CEP152: variants seen among roughly 807,000 people sequenced by gnomAD.
CEP152 encodes centrosomal protein of 152 kDa.
Under a neutral mutation model 188.9 loss-of-function variants are expected in CEP152, and 132 were observed. That is an observed-to-expected ratio of 0.70 (90% CI 0.61 to 0.81). CEP152 has a LOEUF of 0.81. CEP152 is among the 30% of genes least tolerant of loss of function. The probability of loss-of-function intolerance (pLI) is 0.00; values close to 1 mark genes in which losing one functional copy is unlikely to be tolerated. For synonymous variants in CEP152, 649 were observed against 666.6 expected, an observed-to-expected ratio of 0.97 and a Z score of 0.41; for missense variants, 1,914 against 1,969.8, an observed-to-expected ratio of 0.97 and a Z score of 0.54.
chr15:48,764,633 T>C (rs1894922621), intron 17 of CEP152, among the ~76,000 whole-genome samples: 1 of 152,224 alleles, frequency 6.6e-6, no homozygotes, highest in Non-Finnish European at 1.5e-5. Flanking sequence ...CACTGATTAC[T>C]ACCCAACCTG....
chr15:48,793,287 T>C lies in CEP152; in HGVS notation c.832+34A>G, dbSNP rs183368473. The C allele has an allele frequency of 5.1e-4, 826 of 1,611,640 alleles. 4 individuals are homozygous for C. In the African/African-American group the frequency reaches 0.01, roughly 20 times the overall value. On this transcript the variant is annotated intron_variant, in intron 7 of 26. Coordinates refer to ENST00000380950, the MANE Select transcript of CEP152 (RefSeq NM_001194998.2). ...ATTGGAAACAAGATATCTAACTCAGTGTACCTCATAAATGACAGCATCCAG... is the reference window on the plus strand; with the variant it reads ...ATTGGAAACAAGATATCTAACTCAGCGTACCTCATAAATGACAGCATCCAG...
In CEP152 at chr15:48,809,779, T is replaced by G. The variant is rs539081785; in HGVS notation, c.-8+1182A>C. ...ATACATTGTAGTTTTATTACTATTA[T>G]GACATTATTACTGATGAATAGGAGT... On this transcript the variant is annotated intron_variant, in intron 1 of 26. Transcript: ENST00000380950. 2.0e-5 allele frequency among the ~76,000 whole-genome samples: 3 copies of G among 152,366 alleles called. No homozygotes were observed. In the East Asian group the frequency reaches 5.8e-4, roughly 29 times the overall value.
chr15:48,760,333 A>T, intron 18 of CEP152, 67 bp from the exon 19 acceptor site: 1 of 1,570,100 alleles, frequency 6.4e-7, no homozygotes. Context: ...CCATTTTTAA[A>T]CAGCAATTAT....
intron 18 of CEP152, among the ~76,000 whole-genome samples, chr15:48,760,515 A>G (rs956881539): frequency 1.3e-5 from 2 of 152,166 alleles, no homozygotes; most frequent in East Asian, 1.9e-4. Flanking sequence ...GACCAGTACT[A>G]TCTTAGAAAG....
intron 2 of CEP152, among the ~76,000 whole-genome samples, chr15:48,732,722 A>C (rs1409668353): frequency 6.6e-6 from 1 of 152,148 alleles, no homozygotes; most frequent in Non-Finnish European, 1.5e-5. Flanking sequence ...GGTTAAAAAA[A>C]AAGTCATGCT....
chr15:48,796,124 C>T lies in CEP152; in HGVS notation c.577G>A (p.Val193Met). The T allele has an allele frequency of 1.9e-6, 3 of 1,613,826 alleles. No homozygotes were observed. Among genetic ancestry groups the T allele is most frequent in the Non-Finnish European group, 2.5e-6 (3 of 1,179,806 alleles). The change falls in exon 6 of 27, where the codon GTG becomes ATG. Residue 193 changes from valine (V) to methionine (M), a missense_variant. Transcript: ENST00000380950. Reference sequence around the variant, plus strand: ...GAAGACTGATAAGGTTTATATGTCACTTTATTATACGGTTCCAAACCTTGA... The same window carrying T: ...GAAGACTGATAAGGTTTATATGTCATTTTATTATACGGTTCCAAACCTTGA... ...SCQGLEPYNKVTYKPYQSSAQ... is the reference protein window; with the variant it reads ...SCQGLEPYNKMTYKPYQSSAQ...
chr15:48,787,163 GTTTTT>G lies in CEP152; in HGVS notation c.1173+1633_1173+1637del, dbSNP rs747436177. Among the ~76,000 whole-genome samples, 227 of 101,522 alleles carry G rather than the reference GTTTTT, an allele frequency of 2.2e-3. 4 individuals carry two copies. The highest frequency in any genetic ancestry group is 8.1e-3 in the African/African-American group (218 of 26,918). 66.6% of individuals were successfully genotyped at this position (101,522 alleles called of 152,430 possible). On this transcript the variant is annotated intron_variant, in intron 9 of 26. Transcript: ENST00000380950. Reference sequence around the variant, plus strand: ...TTTTCAATAATTTGGTATAGCCTTCGTTTTTTTTTTTTTTTTTTTCTGGAAAAAGA... The same window carrying G: ...TTTTCAATAATTTGGTATAGCCTTCGTTTTTTTTTTTTTTCTGGAAAAAGA...
Position 48,748,727 on chromosome 15 carries a change from C to T in CEP152, c.3467-117G>A, listed in dbSNP as rs117061285. 108 of 1,095,234 alleles carry T rather than the reference C, an allele frequency of 9.9e-5. No homozygotes were observed. The East Asian group carries it at 2.3e-3, about 23-fold the overall frequency. 67.8% of individuals were successfully genotyped at this position (1,095,234 alleles called of 1,614,324 possible). Reference sequence around the variant, plus strand: ...TGACTCATGACTAAAGGCTACAGCACGACTGAAAGAGTGTGATGCTTAAGA... The same window carrying T: ...TGACTCATGACTAAAGGCTACAGCATGACTGAAAGAGTGTGATGCTTAAGA... On this transcript the variant is annotated intron_variant, in intron 21 of 26. Coordinates refer to ENST00000380950, the MANE Select transcript of CEP152 (RefSeq NM_001194998.2).
chr15:48,766,267 A>C (rs151102331), intron 17 of CEP152, among the ~76,000 whole-genome samples: 1 of 152,340 alleles, frequency 6.6e-6, no homozygotes, highest in African/African-American at 2.4e-5. Flanking sequence ...AACTTATTCA[A>C]AAACCTCTGT....
Position 48,748,579 on chromosome 15 carries a change from T to A in CEP152, c.3498A>T (p.Leu1166Phe), listed in dbSNP as rs1400575601. 1.3e-6 allele frequency: 2 copies of A among 1,512,448 alleles called. No individual in the cohort carries two copies. The highest frequency in any genetic ancestry group is 1.8e-6 in the Non-Finnish European group (2 of 1,137,620). The allele number at this position is 1,512,448 out of a possible 1,614,324, so 93.7% of individuals were successfully genotyped here. Residue 1166 changes from leucine to phenylalanine, a missense_variant, in exon 22 of 27, where the codon TTA becomes TTT. Coordinates refer to ENST00000380950, the MANE Select transcript of CEP152 (RefSeq NM_001194998.2). ...DKKKVLEIKD[L>F]CCGHCFQELE... ...GTTCTTGGAAGCAGTGTCCACAGCA[T>A]AAATCCTTAATTTCAAGGACCTTTT...
chr15:48,785,600 G>C (rs1896569982), intron 9 of CEP152, among the ~76,000 whole-genome samples: 1 of 151,886 alleles, frequency 6.6e-6, no homozygotes, highest in African/African-American at 2.4e-5. Flanking sequence ...TTAAAGAAAA[G>C]GTAGGTATAA....
At chr15:48,746,787 T>C (rs1893464485) in intron 22 of CEP152, among the ~76,000 whole-genome samples, 1 of 152,168 alleles carries the variant, frequency 6.6e-6, no homozygotes, top group Admixed American at 6.5e-5. Context: ...GGATGGTGAA[T>C]GTTATAAAAA....
intron 18 of CEP152, 31 bp from the exon 19 acceptor site, chr15:48,760,297 G>A (rs777283259): frequency 1.2e-5 from 19 of 1,612,936 alleles, no homozygotes; most frequent in Non-Finnish European, 1.6e-5. Flanking sequence ...AAGAGGTAAA[G>A]GGAAGTATAA....
At chr15:48,751,887 T>C (rs1447888261) in intron 21 of CEP152, among the ~76,000 whole-genome samples, 3 of 152,170 alleles carry the variant, frequency 2.0e-5, no homozygotes, top group African/African-American at 7.2e-5. Context: ...TTCATCACTC[T>C]GCCATACGTT....
intron 1 of CEP152, among the ~76,000 whole-genome samples, chr15:48,808,425 TA>T (rs902241710): frequency 1.2e-4 from 18 of 151,702 alleles, no homozygotes; most frequent in East Asian, 5.8e-4. Context: ...AAAATAAGAA[TA>T]AAAAAAATTT....
chr15:48,742,221 CATT>C, intron 24 of CEP152, 121 bp from the exon 25 acceptor site: 2 of 895,430 alleles, frequency 2.2e-6, no homozygotes, highest in Admixed American at 1.8e-5. Flanking sequence ...ATAGTTTAAA[CATT>C]ATACTTTCCA....
chr15:48,756,481 G>A lies in CEP152; in HGVS notation c.2767C>T (p.Pro923Ser), dbSNP rs1894282680. 2 of 1,612,832 alleles carry A rather than the reference G, an allele frequency of 1.2e-6. No homozygotes were observed. Among genetic ancestry groups the A allele is most frequent in the Middle Eastern group, 3.3e-4 (2 of 6,060 alleles). Residue 923 changes from proline to serine, a missense_variant, in exon 20 of 27, where the codon CCT becomes TCT. Coordinates refer to ENST00000380950, the MANE Select transcript of CEP152 (RefSeq NM_001194998.2). Reference sequence around the variant, plus strand: ...ATCTTCTCTTCCAATTCCTTTCCAGGAAGTATATTTTTCCTCATATTTTCA... The same window carrying A: ...ATCTTCTCTTCCAATTCCTTTCCAGAAAGTATATTTTTCCTCATATTTTCA... ...ELENMRKNIL[P>S]GKELEEKIHS... is the part of the protein sequence containing the mutation.
intron 7 of CEP152, among the ~76,000 whole-genome samples, chr15:48,792,636 C>A (rs1897055931): frequency 6.6e-6 from 1 of 152,116 alleles, no homozygotes; most frequent in African/African-American, 2.4e-5. Flanking sequence ...CGCTGCAGTG[C>A]AAACTAAACA....
intron 17 of CEP152, chr15:48,765,516 C>G: frequency 2.7e-6 from 1 of 374,218 alleles, no homozygotes; most frequent in South Asian, 2.0e-5. Context: ...ATAGCAGATA[C>G]TAATTGTAAC....
Sources: gnomAD v4.1 joint callset for allele counts (sites outside exome capture counted in the v4.1 genomes callset) on GRCh38, gnomAD v4.1.1 for gene constraint, MANE v1.5 for transcripts, NCBI Gene and HGNC (gene_info 2026-07-23, HGNC 2026-07-21) for gene names.